The following CAPN9 variants were observed in gnomAD, a reference collection of about 807,000 sequenced individuals.
The protein encoded by CAPN9 is calpain-9.
A neutral mutation model predicts 92.8 loss-of-function variants in CAPN9; 81 were observed. The ratio of observed to expected loss-of-function variants is 0.87; its 90% CI spans 0.73 to 1.05. CAPN9 has a LOEUF of 1.05. CAPN9 is among the 50% of genes least tolerant of loss of function. The pLI is 0.00. For synonymous variants in CAPN9, 304 were observed against 328.0 expected, an observed-to-expected ratio of 0.93 and a Z score of 0.79; for missense variants, 848 against 866.2, an observed-to-expected ratio of 0.98 and a Z score of 0.26.
intron 14 of CAPN9, among the ~76,000 whole-genome samples, chr1:230,791,529 A>G (rs543823272): frequency 1.3e-5 from 2 of 152,346 alleles, no homozygotes; most frequent in South Asian, 4.1e-4. Context: ...GGTATTGACC[A>G]TGCCTCTCTA....
chr1:230,755,666 G>A (rs561802972), intron 2 of CAPN9, among the ~76,000 whole-genome samples: 11 of 152,204 alleles, frequency 7.2e-5, no homozygotes, highest in African/African-American at 1.7e-4. Flanking sequence ...ACCCAGCAGC[G>A]TTGGTCGGGC....
In CAPN9 at chr1:230,780,672, G is replaced by A. The variant is rs748227345; in HGVS notation, c.1445G>A (p.Cys482Tyr). The change falls in exon 11 of 20, where the codon TGT (cysteine) becomes TAT (tyrosine). Residue 482 changes from cysteine (C) to tyrosine (Y), a missense_variant. Transcript: ENST00000271971. ...GAGCCCCACCAGGAAGCTGATTTCT[G>A]TCTGAGAATCTTTTCAGAGAAAAAA... ...TFEPHQEADF[C>Y]LRIFSEKKAI... is the part of the protein sequence containing the mutation. The A allele has an allele frequency of 8.1e-6, 13 of 1,613,948 alleles. 1 individual carries two copies. In the South Asian group the frequency reaches 8.8e-5, roughly 11 times the overall value.
chr1:230,798,294 C>A, intron 19 of CAPN9, 74 bp downstream of exon 19: 2 of 964,656 alleles, frequency 2.1e-6, no homozygotes, highest in Admixed American at 2.0e-5. Context: ...TAGATGTTTG[C>A]CGAATGCTTG....
chr1:230,756,167 G>C (rs942699703), intron 2 of CAPN9, among the ~76,000 whole-genome samples: 13 of 152,164 alleles, frequency 8.5e-5, no homozygotes, highest in Admixed American at 6.5e-5. Flanking sequence ...ATTTCTAGCT[G>C]AGGTTGTCAC....
chr1:230,761,996 G>A (rs1558088883), intron 3 of CAPN9, among the ~76,000 whole-genome samples: 1 of 152,212 alleles, frequency 6.6e-6, no homozygotes, highest in Admixed American at 6.5e-5. Context: ...CACATGCAAT[G>A]TATAAATAAA....
chr1:230,751,086 G>A (rs1217900083), intron 1 of CAPN9, among the ~76,000 whole-genome samples: 1 of 152,128 alleles, frequency 6.6e-6, no homozygotes, highest in Non-Finnish European at 1.5e-5. Flanking sequence ...AATTCTCAGT[G>A]TAAATCCAGG....
chr1:230,787,858 T>C (rs28359699), intron 13 of CAPN9, among the ~76,000 whole-genome samples: 78 of 152,304 alleles, frequency 5.1e-4, no homozygotes, highest in African/African-American at 1.7e-3. Flanking sequence ...CTTTGTTTTT[T>C]AGTTCTGTTT....
At chr1:230,747,783 G>A in intron 1 of CAPN9, 74 bp downstream of exon 1, 1 of 1,374,572 alleles carries the variant, frequency 7.3e-7, no homozygotes, top group Non-Finnish European at 1.0e-6. Flanking sequence ...GTGGAAACAG[G>A]GGTGCTGGGG....
At chr1:230,785,086 G>A (rs1435768938) in intron 11 of CAPN9, among the ~76,000 whole-genome samples, 3 of 152,190 alleles carry the variant, frequency 2.0e-5, no homozygotes, top group Non-Finnish European at 2.9e-5. Flanking sequence ...GGGGCCTGTA[G>A]CCCCTTTCTT....
rs374413432 is a variant in CAPN9 at position 230,795,248 on chromosome 1, C to T, written c.1956C>T (p.Leu652=). ...EELQLDFDDF[L]NCLVRLENAS... ...TCCAGCTGGACTTCGATGACTTCCT[C>T]AACTGCCTGGTCCGGCTGGAGAATG... Residue 652 remains leucine, a synonymous_variant, in exon 18 of 20, where the codon CTC becomes CTT. Transcript: ENST00000271971. The T allele has an allele frequency of 1.9e-6, 3 of 1,612,592 alleles. No individual in the cohort carries two copies. The highest frequency in any genetic ancestry group is 1.7e-5 in the Admixed American group (1 of 59,970).
rs1320356257 is a variant in CAPN9, at chr1:230,787,422, A to G, written c.1519-100A>G. ...GTGCACACTGCCTCAGGAGGGTGAC[A>G]TGGGGCTGGGCACACAGGCTCCTGG... On this transcript the variant is annotated intron_variant, in intron 12 of 19. Transcript: ENST00000271971. 6.4e-6 allele frequency: 6 copies of G among 931,532 alleles called. No homozygotes were observed. In the African/African-American group the frequency reaches 9.9e-5, roughly 15 times the overall value. 57.7% of individuals were successfully genotyped at this position (931,532 alleles called of 1,614,324 possible).
chr1:230,750,826 G>A (rs1251152853), intron 1 of CAPN9, among the ~76,000 whole-genome samples: 1 of 152,182 alleles, frequency 6.6e-6, no homozygotes, highest in Non-Finnish European at 1.5e-5. Context: ...TGCACTGAGG[G>A]TGACTCAGGG....
chr1:230,795,390 G>A lies in CAPN9; in HGVS notation c.1987+111G>A. On this transcript the variant is annotated intron_variant, in intron 18 of 19. Coordinates refer to ENST00000271971, the MANE Select transcript of CAPN9 (RefSeq NM_006615.3). ...AGTAATGGCAAAGATAGACCACAGA[G>A]AGCCATGGTCTGATGTGTGTGGACC... 2.9e-6 allele frequency: 2 copies of A among 687,148 alleles called. 1 individual carries two copies. The highest frequency in any genetic ancestry group is 3.3e-5 in the South Asian group (2 of 59,788). 42.6% of individuals were successfully genotyped at this position (687,148 alleles called of 1,614,324 possible).
At chr1:230,780,087 T>C (rs931642129) in intron 9 of CAPN9, 92 bp from the exon 10 acceptor site, 145 of 129,654 alleles carry the variant, frequency 1.1e-3, no homozygotes, top group South Asian at 1.6e-3. Context: ...TGTGCGTGTG[T>C]GTGTGTGTGT....
chr1:230,791,662 C>G (rs1667998682), intron 14 of CAPN9, among the ~76,000 whole-genome samples: 1 of 152,140 alleles, frequency 6.6e-6, no homozygotes, highest in African/African-American at 2.4e-5. Flanking sequence ...CGTATTCCCA[C>G]TTTTATTGCT....
rs142078788 is a variant in CAPN9 at position 230,792,899 on chromosome 1, A to G, written c.1841A>G (p.Tyr614Cys). The change falls in exon 17 of 20, where the codon TAT (tyrosine) becomes TGT (cysteine). Residue 614 changes from tyrosine (Y) to cysteine (C), a missense_variant. By Grantham distance (194) the Tyr-to-Cys change is radical. Transcript: ENST00000271971. The part of the protein sequence containing the change: ...DADKSGTMST[Y>C]ELRTALKAAG... The stretch of plus-strand genomic sequence containing the variant: ...GACAAGTCCGGCACCATGTCTACCT[A>G]TGAACTACGGACTGCACTGAAAGCT... 6.2e-6 allele frequency: 10 copies of G among 1,613,932 alleles called. No homozygotes were observed. In the East Asian group the frequency reaches 8.9e-5, roughly 14 times the overall value.
intron 3 of CAPN9, among the ~76,000 whole-genome samples, chr1:230,760,863 GAACCAGAACCAGCAGAACTACTGCCTCTA>G (rs28359619): frequency 0.05 from 7,571 of 152,160 alleles, 381 homozygotes; most frequent in East Asian, 0.26. Flanking sequence ...CTCTAAACCA[GAACCAGAACCAGCAGAACTACTGCCTCTA>G]AACCAGAACC....
intron 1 of CAPN9, among the ~76,000 whole-genome samples, chr1:230,750,152 C>G (rs574851018): frequency 1.3e-5 from 2 of 152,154 alleles, no homozygotes; most frequent in African/African-American, 2.4e-5. Context: ...CTGGGTGAGG[C>G]CTTCATCCAC....
intron 1 of CAPN9, among the ~76,000 whole-genome samples, chr1:230,750,585 G>T (rs1472293077): frequency 6.6e-6 from 1 of 152,208 alleles, no homozygotes; most frequent in Non-Finnish European, 1.5e-5. Flanking sequence ...GCATTGCCAG[G>T]TTCCCTGCAG....
Sources: allele counts gnomAD v4.1 joint callset (sites outside exome capture counted in the v4.1 genomes callset), GRCh38; gene constraint gnomAD v4.1.1; transcripts MANE v1.5; gene names NCBI Gene and HGNC (gene_info 2026-07-23, HGNC 2026-07-21).